Variants in PHF3 observed in about 807,000 individuals in gnomAD.
PHF3 encodes PHD finger protein 3.
PHF3 carries 41 observed loss-of-function variants against 178.4 expected under a neutral mutation model. The observed-to-expected ratio is 0.23, with a 90% CI of 0.18 to 0.30. PHF3 has a LOEUF of 0.30. Among genes scored for constraint, PHF3 ranks in the 10% least tolerant of loss-of-function variants. The pLI is 1.00. For synonymous variants in PHF3, 842 were observed against 800.5 expected, an observed-to-expected ratio of 1.05 and a Z score of -0.88; for missense variants, 2,346 against 2,398.1, an observed-to-expected ratio of 0.98 and a Z score of 0.45.
rs749888471 is a variant in PHF3 at position 63,684,210 on chromosome 6, G to T, written c.488G>T (p.Gly163Val). Residue 163 changes from glycine (G) to valine (V), a missense_variant, in exon 4 of 16, where the codon GGG becomes GTG. Gly to Val is a moderately radical substitution (Grantham distance 109). This residue lies in a region of PHF3 where 843 missense variants were observed against 795.2 expected (regional missense o/e 1.06). Transcript: ENST00000262043. ...APLSNTKKAS[G>V]KTVSTAKAGV... ...TTAAGTAACACAAAAAAAGCATCTG[G>T]GAAGACTGTATCTACTGCTAAAGCA... 1.9e-6 allele frequency: 3 copies of T among 1,613,940 alleles called. No individual in the cohort carries two copies. The Admixed American group carries it at 5.0e-5, about 27-fold the overall frequency.
At chr6:63,700,855 T>C (rs553366728) in intron 9 of PHF3, among the ~76,000 whole-genome samples, 1 of 152,342 alleles carries the variant, frequency 6.6e-6, no homozygotes, top group South Asian at 2.1e-4. Context: ...GTGTGGGGAT[T>C]ACAGGCATGA....
chr6:63,698,489 G>A lies in PHF3; in HGVS notation c.2866G>A (p.Ala956Thr). 6.2e-7 allele frequency: 1 copy of A among 1,602,248 alleles called. No homozygotes were observed. The highest frequency in any genetic ancestry group is 8.5e-7 in the Non-Finnish European group (1 of 1,176,022). Residue 956 changes from alanine to threonine, a missense_variant, in exon 8 of 16, where the codon GCA (alanine) becomes ACA (threonine). Physicochemically the swap from Ala to Thr is moderately conservative, Grantham distance 58. This residue lies in a region of PHF3 where 252 missense variants were observed against 232.0 expected (regional missense o/e 1.09). Coordinates refer to ENST00000262043, the MANE Select transcript of PHF3 (RefSeq NM_001370348.2). The part of the protein sequence containing the change: ...SNLKVPEEKA[A>T]KVATKIEKEL... ...TTTGAAGGTACCAGAGGAAAAGGCA[G>A]CAAAAGTTGCCACAAAAATTGAGAA...
rs556169049 is a variant in PHF3 at position 63,703,078 on chromosome 6, A to T, written c.3231+439A>T. On this transcript the variant is annotated intron_variant, in intron 10 of 15. Transcript: ENST00000262043. ...TTTTTAGTAGAGACAGAGTTTCACC[A>T]TGTTGGCCAGGCTGGTCTTAAACTC... Among the ~76,000 whole-genome samples, 528 of 152,252 alleles carry T rather than the reference A, an allele frequency of 3.5e-3. 4 individuals carry two copies. Among genetic ancestry groups the T allele is most frequent in the African/African-American group, 0.012 (502 of 41,544 alleles).
rs767392040 is a variant in PHF3 at position 63,684,406 on chromosome 6, G to T, written c.684G>T (p.Met228Ile). The T allele has an allele frequency of 1.2e-6, 2 of 1,614,058 alleles. No homozygotes were observed. The highest frequency in any genetic ancestry group is 3.3e-5 in the Admixed American group (2 of 60,022). ...SHSSVSSCLE[M>I]KDEDGLDSKH... ...CTTCAGTGTCATCTTGTCTTGAAAT[G>T]AAGGATGAAGATGGATTAGATTCTA... The change falls in exon 4 of 16, where the codon ATG becomes ATT. Residue 228 changes from methionine (M) to isoleucine (I), a missense_variant. Transcript: ENST00000262043.
chr6:63,712,218 G>A lies in PHF3; in HGVS notation c.4630G>A (p.Val1544Ile), dbSNP rs375233357. The change falls in exon 16 of 16, where the codon GTA becomes ATA. Residue 1544 changes from valine to isoleucine, a missense_variant. Val to Ile is a conservative substitution (Grantham distance 29). This residue lies in a region of PHF3 where 839 missense variants were observed against 806.9 expected (regional missense o/e 1.04). Coordinates refer to ENST00000262043, the MANE Select transcript of PHF3 (RefSeq NM_001370348.2). ...TAAGTCAGCAGAAATAGAAACATCA[G>A]TAGTAGGGTCCTCTTCCATTTCTGC... ...TDKSAEIETS[V>I]VGSSSISAGS... is the part of the protein sequence containing the mutation. 2.1e-5 allele frequency: 34 copies of A among 1,613,918 alleles called. No individual in the cohort carries two copies. Among genetic ancestry groups the A allele is most frequent in the Non-Finnish European group, 2.9e-5 (34 of 1,179,942 alleles).
chr6:63,711,082 T>G (rs1166035983), intron 14 of PHF3, 85 bp from the exon 15 acceptor site: 1 of 920,658 alleles, frequency 1.1e-6, no homozygotes, highest in African/African-American at 1.7e-5. Flanking sequence ...GTTCAATAGA[T>G]TATTACTAAT....
chr6:63,650,967 A>G (rs1006111405), intron 2 of PHF3, among the ~76,000 whole-genome samples: 9 of 152,096 alleles, frequency 5.9e-5, no homozygotes, highest in African/African-American at 1.5e-4. Context: ...TCTGAATCCA[A>G]CTACACATAT....
At chr6:63,644,546 A>G (rs1764700322) in intron 1 of PHF3, among the ~76,000 whole-genome samples, 1 of 152,138 alleles carries the variant, frequency 6.6e-6, no homozygotes, top group African/African-American at 2.4e-5. Context: ...ATTTTCTGTC[A>G]GTTGAGAGAA....
intron 2 of PHF3, among the ~76,000 whole-genome samples, chr6:63,667,877 A>T (rs1334483618): frequency 6.6e-6 from 1 of 152,254 alleles, no homozygotes; most frequent in Non-Finnish European, 1.5e-5. Flanking sequence ...GTGAAGCTGT[A>T]TAATGTCACA....
At chr6:63,677,172 G>T (rs1375277665) in intron 2 of PHF3, among the ~76,000 whole-genome samples, 14 of 152,232 alleles carry the variant, frequency 9.2e-5, no homozygotes, top group African/African-American at 2.6e-4. Context: ...TCTTCTGAAG[G>T]TCTCATGAGC....
chr6:63,662,691 GT>G (rs201936429), intron 2 of PHF3, among the ~76,000 whole-genome samples: 1 of 152,070 alleles, frequency 6.6e-6, no homozygotes, highest in Non-Finnish European at 1.5e-5. Flanking sequence ...TTGGTCATAG[GT>G]TTTTTTATCA....
At chr6:63,695,722 T>A (rs1278610609) in intron 6 of PHF3, among the ~76,000 whole-genome samples, 2 of 152,086 alleles carry the variant, frequency 1.3e-5, no homozygotes, top group African/African-American at 4.8e-5. Context: ...TAGCTTGGAA[T>A]GGAAATAGAA....
intron 1 of PHF3, 23 bp from the exon 2 acceptor site, chr6:63,646,504 G>T: frequency 1.3e-6 from 2 of 1,505,392 alleles, no homozygotes; most frequent in Non-Finnish European, 1.8e-6. Flanking sequence ...ATTTCTTATG[G>T]TATTTTTTTT....
At position 63,694,593 on chromosome 6, in the gene PHF3, G is replaced by C; in HGVS notation, c.2509G>C (p.Gly837Arg). ...VKILKRESGE[G>R]RNSSDCRDNE... ...ACTCATTTTCCAGGAGTCTGGTGAA[G>C]GCAGAAATTCATCAGACTGTAGAGA... Residue 837 changes from glycine (G) to arginine (R), a missense_variant, in exon 6 of 16, where the codon GGC (glycine) becomes CGC (arginine). Physicochemically the swap from Gly to Arg is moderately radical, Grantham distance 125. Coordinates refer to ENST00000262043, the MANE Select transcript of PHF3 (RefSeq NM_001370348.2). The C allele has an allele frequency of 6.6e-7, 1 of 1,517,810 alleles. No homozygotes were observed. The allele number at this position is 1,517,810 out of a possible 1,614,324, so 94.0% of individuals were successfully genotyped here. A position where few individuals can be genotyped will look rare whatever the true frequency, so the allele number is the denominator to read the frequency against.
intron 1 of PHF3, among the ~76,000 whole-genome samples, chr6:63,646,080 T>G (rs1426241856): frequency 6.6e-6 from 1 of 152,166 alleles, no homozygotes; most frequent in Non-Finnish European, 1.5e-5. Context: ...TTTTAATAGG[T>G]ATGGGATAAA....
Position 63,709,220 on chromosome 6 carries a change from A to G in PHF3, c.3781A>G (p.Ile1261Val). The G allele has an allele frequency of 6.2e-7, 1 of 1,611,946 alleles. No individual in the cohort carries two copies. The highest frequency in any genetic ancestry group is 8.5e-7 in the Non-Finnish European group (1 of 1,178,408). Reference sequence around the variant, plus strand: ...GACAGTTTGGGATTATGTGGAAAAAATAAAAGCATCAGGAACCAAGGTGAG... The same window carrying G: ...GACAGTTTGGGATTATGTGGAAAAAGTAAAAGCATCAGGAACCAAGGTGAG... ...PQTVWDYVEKIKASGTKEICV... is the reference protein window; with the variant it reads ...PQTVWDYVEKVKASGTKEICV... The change falls in exon 14 of 16, where the codon ATA (isoleucine) becomes GTA (valine). Residue 1261 changes from isoleucine (I) to valine (V), a missense_variant. By Grantham distance (29) the Ile-to-Val change is conservative. Coordinates refer to ENST00000262043, the MANE Select transcript of PHF3 (RefSeq NM_001370348.2).
chr6:63,673,382 C>G (rs1766006850), intron 2 of PHF3, among the ~76,000 whole-genome samples: 1 of 151,958 alleles, frequency 6.6e-6, no homozygotes, highest in Non-Finnish European at 1.5e-5. Flanking sequence ...GCCTGTGCTG[C>G]CTTATAAACC....
intron 2 of PHF3, among the ~76,000 whole-genome samples, chr6:63,657,660 G>A (rs1016830719): frequency 1.3e-5 from 2 of 152,150 alleles, no homozygotes; most frequent in African/African-American, 2.4e-5. Context: ...TCTTGCTGTC[G>A]CACAGGTGGC....
chr6:63,646,577 A>T lies in PHF3; in HGVS notation c.26A>T (p.His9Leu). 2 of 1,611,820 alleles carry T rather than the reference A, an allele frequency of 1.2e-6. No homozygotes were observed. Among genetic ancestry groups the T allele is most frequent in the African/African-American group, 2.7e-5 (2 of 74,954 alleles). MDIVDTFN[H>L]LIPTEHLDDA... Reference sequence around the variant, plus strand: ...ATGGATATAGTTGATACATTTAATCATTTAATTCCTACTGAACACTTAGAT... The same window carrying T: ...ATGGATATAGTTGATACATTTAATCTTTTAATTCCTACTGAACACTTAGAT... The change falls in exon 2 of 16, where the codon CAT becomes CTT. Residue 9 changes from histidine (H) to leucine (L), a missense_variant. By Grantham distance (99) the His-to-Leu change is moderately conservative. Around this residue, in one of 8 missense-constraint regions of PHF3, gnomAD observed 843 missense variants for 795.2 expected, o/e 1.06. Coordinates refer to ENST00000262043, the MANE Select transcript of PHF3 (RefSeq NM_001370348.2).
Sources: gnomAD v4.1 joint callset for allele counts (sites outside exome capture counted in the v4.1 genomes callset) on GRCh38, gnomAD v4.1.1 for gene constraint, gnomAD v4.1.1 regional missense constraint, MANE v1.5 for transcripts, NCBI Gene and HGNC (gene_info 2026-07-23, HGNC 2026-07-21) for gene names.